COP1: variants seen among roughly 807,000 people sequenced by gnomAD.
The protein encoded by COP1 is E3 ubiquitin-protein ligase COP1.
In COP1, 24 loss-of-function variants were observed where a neutral mutation model predicts 101.3. The observed-to-expected ratio is 0.24, with a 90% CI of 0.17 to 0.33. The LOEUF is 0.33. Among genes scored for constraint, COP1 ranks in the 10% least tolerant of loss-of-function variants. COP1 has a pLI of 1.00. For missense variants in COP1, 663 were observed against 906.2 expected, an observed-to-expected ratio of 0.73 and a Z score of 3.45; for synonymous variants, 347 against 341.9, an observed-to-expected ratio of 1.01 and a Z score of -0.17.
chr1:176,061,098 G>A (rs911778043), intron 11 of COP1, among the ~76,000 whole-genome samples: 1 of 152,046 alleles, frequency 6.6e-6, no homozygotes, highest in Non-Finnish European at 1.5e-5. Context: ...TATGGTACTG[G>A]CCTAAGAGGA....
intron 18 of COP1, among the ~76,000 whole-genome samples, chr1:175,979,357 C>T (rs546756954): frequency 2.6e-4 from 40 of 152,104 alleles, no homozygotes; most frequent in Non-Finnish European, 1.8e-4. Flanking sequence ...GACTGGAATA[C>T]AGTATTGCAT....
chr1:175,954,596 G>C (rs1650379623), intron 18 of COP1, among the ~76,000 whole-genome samples: 1 of 151,828 alleles, frequency 6.6e-6, no homozygotes, highest in African/African-American at 2.4e-5. Context: ...AGAATAATTA[G>C]AAAATAAACA....
intron 11 of COP1, among the ~76,000 whole-genome samples, chr1:176,057,128 T>C (rs527397065): frequency 9.2e-5 from 14 of 152,348 alleles, no homozygotes; most frequent in African/African-American, 3.4e-4. Flanking sequence ...TTGCTGAACA[T>C]TCCAAACTTA....
chr1:176,201,198 CA>C (rs916503435), intron 1 of COP1, among the ~76,000 whole-genome samples: 1 of 151,580 alleles, frequency 6.6e-6, no homozygotes, highest in African/African-American at 2.4e-5. Flanking sequence ...AAACAAAAAC[CA>C]AAAAAACCCC....
intron 11 of COP1, among the ~76,000 whole-genome samples, chr1:176,071,654 A>G (rs1558048280): frequency 6.6e-6 from 1 of 152,202 alleles, no homozygotes; most frequent in Non-Finnish European, 1.5e-5. Context: ...TTAAGAATGT[A>G]TGGCAACTGC....
intron 8 of COP1, among the ~76,000 whole-genome samples, chr1:176,119,478 A>G (rs181303540): frequency 6.6e-5 from 10 of 152,342 alleles, no homozygotes; most frequent in African/African-American, 2.4e-4. Flanking sequence ...AGATAAAACT[A>G]AGAATTAAAA....
intron 15 of COP1, among the ~76,000 whole-genome samples, chr1:175,992,067 T>G (rs1206671750): frequency 6.6e-6 from 1 of 152,224 alleles, no homozygotes; most frequent in Non-Finnish European, 1.5e-5. Flanking sequence ...TGTGCTAGAC[T>G]TTTTGAACAT....
At chr1:175,967,925 T>C (rs1211646727) in intron 18 of COP1, among the ~76,000 whole-genome samples, 5 of 152,144 alleles carry the variant, frequency 3.3e-5, no homozygotes, top group Admixed American at 6.5e-5. Flanking sequence ...TAGAGTGCAA[T>C]GGCACAATCG....
intron 1 of COP1, among the ~76,000 whole-genome samples, chr1:176,199,902 GA>G (rs2102255942): frequency 6.6e-6 from 1 of 152,236 alleles, no homozygotes; most frequent in Non-Finnish European, 1.5e-5. Flanking sequence ...TATGACCAGT[GA>G]CTTATTTTAT....
At chr1:176,132,615 CTA>C (rs1266479977) in intron 8 of COP1, among the ~76,000 whole-genome samples, 5 of 106,054 alleles carry the variant, frequency 4.7e-5, no homozygotes, top group African/African-American at 1.8e-4. Flanking sequence ...CGTATATATA[CTA>C]TATATACACA....
intron 12 of COP1, among the ~76,000 whole-genome samples, chr1:176,045,013 T>A (rs1671266952): frequency 6.6e-6 from 1 of 152,174 alleles, no homozygotes; most frequent in African/African-American, 2.4e-5. Flanking sequence ...TATTGTGACC[T>A]CCATTTTATA....
chr1:176,079,649 G>C (rs1259734273), intron 11 of COP1, among the ~76,000 whole-genome samples: 1 of 151,420 alleles, frequency 6.6e-6, no homozygotes, highest in Admixed American at 6.6e-5. Context: ...AAAAAAAAAG[G>C]TTCAAGGTAT....
chr1:176,096,816 T>C (rs1682473645), intron 9 of COP1, among the ~76,000 whole-genome samples: 1 of 152,220 alleles, frequency 6.6e-6, no homozygotes, highest in Non-Finnish European at 1.5e-5. Context: ...TAACTTTCTG[T>C]ATGGTAAGTA....
intron 9 of COP1, among the ~76,000 whole-genome samples, chr1:176,093,083 TA>T (rs1268955405): frequency 6.6e-6 from 1 of 152,212 alleles, no homozygotes; most frequent in Non-Finnish European, 1.5e-5. Flanking sequence ...AATATTTTTA[TA>T]AAGTTCAAAT....
chr1:176,125,057 G>A (rs1687787356), intron 8 of COP1, among the ~76,000 whole-genome samples: 1 of 152,064 alleles, frequency 6.6e-6, no homozygotes, highest in African/African-American at 2.4e-5. Context: ...TGCCATGTTT[G>A]TCTTGAGAAA....
intron 18 of COP1, among the ~76,000 whole-genome samples, chr1:175,954,006 C>A (rs1333782452): frequency 5.3e-5 from 8 of 152,244 alleles, no homozygotes; most frequent in Admixed American, 3.3e-4. Flanking sequence ...ACATTCTTTT[C>A]AAATGCATGC....
rs368896791 is a variant in COP1, at chr1:176,007,952, G to C, written c.1730-18473C>G. Among the ~76,000 whole-genome samples, 400 of 152,222 alleles carry C rather than the reference G, an allele frequency of 2.6e-3. 3 individuals are homozygous for C. The highest frequency in any genetic ancestry group is 9.2e-3 in the African/African-American group (382 of 41,558). ...GCGCCCCTCCCCCAGCCTCGCTGCC[G>C]CCTTGCAGTTTGATCTCAGACTGCT... On this transcript the variant is annotated intron_variant, in intron 15 of 19. Coordinates refer to ENST00000367669, the MANE Select transcript of COP1 (RefSeq NM_022457.7).
intron 18 of COP1, among the ~76,000 whole-genome samples, chr1:175,972,974 A>T (rs1280544355): frequency 6.6e-6 from 1 of 151,880 alleles, no homozygotes; most frequent in Non-Finnish European, 1.5e-5. Flanking sequence ...CTGAGATTAC[A>T]GGCATGCGCC....
At chr1:176,130,444 T>C (rs780037385) in intron 8 of COP1, among the ~76,000 whole-genome samples, 1 of 151,794 alleles carries the variant, frequency 6.6e-6, no homozygotes, top group Non-Finnish European at 1.5e-5. Context: ...GAAGACTTTC[T>C]TCCTTAGAAT....
Sources: gnomAD v4.1 joint callset for allele counts (sites outside exome capture counted in the v4.1 genomes callset) on GRCh38, gnomAD v4.1.1 for gene constraint, MANE v1.5 for transcripts, NCBI Gene and HGNC (gene_info 2026-07-23, HGNC 2026-07-21) for gene names.